NPAS2: variants seen among roughly 807,000 people sequenced by gnomAD.
NPAS2 encodes neuronal PAS domain protein 2.
Under a neutral mutation model 107.5 loss-of-function variants are expected in NPAS2, and 23 were observed. The ratio of observed to expected loss-of-function variants is 0.21; its 90% CI spans 0.15 to 0.30. NPAS2 has a LOEUF of 0.30. Among genes scored for constraint, NPAS2 ranks in the 10% least tolerant of loss-of-function variants. The pLI is 1.00. For missense variants in NPAS2, 756 were observed against 1,043.3 expected (o/e 0.72, Z 3.79); for synonymous variants, 403 against 417.5 (o/e 0.97, Z 0.42).
At chr2:100,821,656 G>GGT (rs1472841334) in intron 1 of NPAS2, among the ~76,000 whole-genome samples, 1 of 152,118 alleles carries the variant, frequency 6.6e-6, no homozygotes, top group Non-Finnish European at 1.5e-5. Flanking sequence ...ACTGTAGCTT[G>GGT]GTCCCCATCA....
rs557858902 is a variant in NPAS2 at position 100,873,321 on chromosome 2, C to T, written c.-22-31412C>T. 4.5e-3 allele frequency among the ~76,000 whole-genome samples: 569 copies of T among 127,150 alleles called. 4 individuals carry two copies. The highest frequency in any genetic ancestry group is 0.019 in the African/African-American group (540 of 29,184). 83.4% of individuals were successfully genotyped at this position (127,150 alleles called of 152,430 possible). On this transcript the variant is annotated intron_variant, in intron 1 of 20. Transcript: ENST00000335681. ...ATATATATATATACACACACACACACACACACACACACACACACACATATA... is the reference window on the plus strand; with the variant it reads ...ATATATATATATACACACACACACATACACACACACACACACACACATATA...
rs369970209 is a variant in NPAS2 at position 100,955,915 on chromosome 2, GTTTT to G, written c.598+6439_598+6442del. Among the ~76,000 whole-genome samples the G allele has an allele frequency of 1.3e-3, 199 of 152,016 alleles. 2 individuals are homozygous for G. Among genetic ancestry groups the G allele is most frequent in the African/African-American group, 4.4e-3 (181 of 41,454 alleles). On this transcript the variant is annotated intron_variant, in intron 7 of 20. Coordinates refer to ENST00000335681, the MANE Select transcript of NPAS2 (RefSeq NM_002518.4). ...TTTTCAGTTTTTTGTTTGTTTGTTT[GTTTT>G]TTTGAGACAGGATCTCACTCTGTCA...
chr2:100,974,713 A>T, intron 12 of NPAS2, 90 bp from the exon 13 acceptor site: 1 of 1,398,656 alleles, frequency 7.1e-7, no homozygotes, highest in Non-Finnish European at 9.8e-7. Flanking sequence ...GCAGCTTCTG[A>T]GGTTGTCGAC....
At chr2:100,852,778 C>A (rs924643246) in intron 1 of NPAS2, among the ~76,000 whole-genome samples, 9 of 152,118 alleles carry the variant, frequency 5.9e-5, no homozygotes, top group African/African-American at 2.2e-4. Context: ...TGAGCAAAAT[C>A]GCAAGTATGG....
intron 1 of NPAS2, among the ~76,000 whole-genome samples, chr2:100,892,516 C>T (rs560298300): frequency 6.6e-6 from 1 of 152,128 alleles, no homozygotes; most frequent in African/African-American, 2.4e-5. Context: ...CTATGAGGCT[C>T]CAGCAAGCAC....
intron 3 of NPAS2, among the ~76,000 whole-genome samples, chr2:100,930,648 C>T (rs1277872335): frequency 6.6e-6 from 1 of 151,988 alleles, no homozygotes; most frequent in Non-Finnish European, 1.5e-5. Flanking sequence ...ATGAAATGAA[C>T]CTTAACTTCC....
At chr2:100,869,127 G>C (rs1306890042) in intron 1 of NPAS2, among the ~76,000 whole-genome samples, 1 of 151,550 alleles carries the variant, frequency 6.6e-6, no homozygotes, top group African/African-American at 2.4e-5. Context: ...GCAGAGACAG[G>C]GTTTCACCCT....
intron 1 of NPAS2, among the ~76,000 whole-genome samples, chr2:100,850,106 A>G (rs1013647343): frequency 3.3e-5 from 5 of 152,014 alleles, no homozygotes; most frequent in African/African-American, 1.2e-4. Context: ...CAATGAAATC[A>G]CTAAAGAACA....
At position 100,977,781 on chromosome 2, in the gene NPAS2, G is replaced by A. The variant is rs41280597; in HGVS notation, c.1464G>A (p.Thr488=). The part of the protein sequence containing the change: ...QLLPQTVLQS[T]PAPMAQFSAQ... ...TGCCTCAGACCGTTCTGCAGAGCAC[G>A]CCCGCTCCCATGGCACAGGTGAGTC... The change falls in exon 15 of 21, where the codon ACG becomes ACA. Residue 488 remains threonine, a synonymous_variant. Transcript: ENST00000335681. 1,733 of 1,614,008 alleles carry A rather than the reference G, an allele frequency of 1.1e-3. 2 individuals carry two copies. Among genetic ancestry groups the A allele is most frequent in the Non-Finnish European group, 1.4e-3 (1,617 of 1,179,998 alleles).
At chr2:100,975,276 G>T in intron 13 of NPAS2, 182 bp from the exon 14 acceptor site, 1 of 631,314 alleles carries the variant, frequency 1.6e-6, no homozygotes. Flanking sequence ...TGTTTGTGGT[G>T]TCTCCTACCT....
rs1440664848 is a variant in NPAS2 at position 100,976,659 on chromosome 2, T to G, written c.1393-1051T>G. On this transcript the variant is annotated intron_variant, in intron 14 of 20. Coordinates refer to ENST00000335681, the MANE Select transcript of NPAS2 (RefSeq NM_002518.4). This position sits in a 1 kb window ranked among gnomAD's most constrained non-coding sequence, Gnocchi z 4.1. The stretch of plus-strand genomic sequence containing the variant: ...CCATAAAGGCTGTGCACACCCTGCT[T>G]GAGAAGCTTGGGCGATGCGTTTTAT... 1.3e-5 allele frequency: 2 copies of G among 152,070 alleles called. No homozygotes were observed. Among genetic ancestry groups the G allele is most frequent in the African/African-American group, 2.4e-5 (1 of 41,392 alleles). 9.4% of individuals were successfully genotyped at this position (152,070 alleles called of 1,614,324 possible). A position where few individuals can be genotyped will look rare whatever the true frequency, so the allele number is the denominator to read the frequency against.
At chr2:100,824,105 A>G (rs1467673661) in intron 1 of NPAS2, among the ~76,000 whole-genome samples, 2 of 152,204 alleles carry the variant, frequency 1.3e-5, no homozygotes, top group Non-Finnish European at 1.5e-5. Flanking sequence ...TGCTTTTATT[A>G]CTGTTGATAG....
chr2:100,975,057 G>A (rs1289761795), intron 13 of NPAS2, 113 bp downstream of exon 13: 1 of 1,178,506 alleles, frequency 8.5e-7, no homozygotes, highest in Non-Finnish European at 1.2e-6. Flanking sequence ...CTCCGACAGA[G>A]GTTGCCGTGC....
chr2:100,966,711 A>C (rs1676237710), intron 10 of NPAS2, among the ~76,000 whole-genome samples: 1 of 150,560 alleles, frequency 6.6e-6, no homozygotes, highest in African/African-American at 2.5e-5. Context: ...CTCCCACCTC[A>C]GCCTCTAGAG....
intron 1 of NPAS2, among the ~76,000 whole-genome samples, chr2:100,875,727 T>C (rs1430289995): frequency 2.0e-5 from 3 of 152,248 alleles, no homozygotes; most frequent in African/African-American, 7.2e-5. Flanking sequence ...GCCAGCCTGC[T>C]TGGTCCCGAG....
At chr2:100,979,715 A>G (rs1677317354) in intron 15 of NPAS2, among the ~76,000 whole-genome samples, 1 of 151,754 alleles carries the variant, frequency 6.6e-6, no homozygotes, top group South Asian at 2.1e-4. Flanking sequence ...TTTTTTGTGG[A>G]GACGGGGTTT....
intron 1 of NPAS2, among the ~76,000 whole-genome samples, chr2:100,881,161 C>T (rs10206548): frequency 1.3e-5 from 2 of 152,316 alleles, no homozygotes; most frequent in East Asian, 3.9e-4. Context: ...AAACAGATGA[C>T]CTTTTGTGTC....
At position 100,990,348 on chromosome 2, in the gene NPAS2, G is replaced by A. The variant is rs1053091; in HGVS notation, c.1920G>A (p.Ala640=). The stretch of plus-strand genomic sequence containing the variant: ...CCCCGTTCAGCAGCGCCACAGCTGC[G>A]CTCCCGCCAAGTCTGAATCTGACCA... ...LVSPFSSATA[A]LPPSLNLTTP... is the part of the protein sequence containing the mutation. Residue 640 remains alanine, a synonymous_variant, in exon 18 of 21, where the codon GCG becomes GCA. Coordinates refer to ENST00000335681, the MANE Select transcript of NPAS2 (RefSeq NM_002518.4). 28,353 of 1,614,102 alleles carry A rather than the reference G, an allele frequency of 0.018. 413 individuals are homozygous for A. The highest frequency in any genetic ancestry group is 0.027 in the South Asian group (2,459 of 91,082).
chr2:100,829,515 A>G (rs1399853454), intron 1 of NPAS2, among the ~76,000 whole-genome samples: 2 of 152,116 alleles, frequency 1.3e-5, no homozygotes, highest in Non-Finnish European at 2.9e-5. Context: ...TGTATCCTGA[A>G]ACTTTATCGA....
Sources: allele counts gnomAD v4.1 joint callset (sites outside exome capture counted in the v4.1 genomes callset), GRCh38; gene constraint gnomAD v4.1.1; non-coding constraint Gnocchi (gnomAD v3.1); transcripts MANE v1.5; gene names NCBI Gene and HGNC (gene_info 2026-07-23, HGNC 2026-07-21).